SDK1: variants seen among roughly 807,000 people sequenced by gnomAD.
SDK1 encodes the protein sidekick cell adhesion molecule 1.
SDK1 carries 157 observed loss-of-function variants against 245.5 expected under a neutral mutation model. That is an observed-to-expected ratio of 0.64 (90% confidence interval 0.56 to 0.73). SDK1 has a LOEUF of 0.73. Ranked by LOEUF, SDK1 falls within the 30% of genes least tolerant of loss-of-function variation. The pLI, the probability that SDK1 is intolerant of heterozygous loss-of-function variation, is 0.00. For missense variants in SDK1, 3,583 were observed against 3,002.3 expected, an observed-to-expected ratio of 1.19 and a Z score of -4.52; for synonymous variants, 1,647 against 1,278.5, an observed-to-expected ratio of 1.29 and a Z score of -6.15.
At chr7:3,990,975 C>G (rs925590737) in intron 14 of SDK1, among the ~76,000 whole-genome samples, 7 of 152,226 alleles carry the variant, frequency 4.6e-5, no homozygotes, top group Non-Finnish European at 8.8e-5. Context: ...GTGAAGCCAG[C>G]TGGGCATCTG....
intron 14 of SDK1, among the ~76,000 whole-genome samples, chr7:4,003,005 C>T (rs1785189332): frequency 6.6e-6 from 1 of 152,206 alleles, no homozygotes; most frequent in Non-Finnish European, 1.5e-5. Flanking sequence ...ACTGCTCCAC[C>T]CCATGGGCAT....
chr7:3,446,801 G>A (rs898499898), intron 1 of SDK1, among the ~76,000 whole-genome samples: 1 of 152,140 alleles, frequency 6.6e-6, no homozygotes, highest in Non-Finnish European at 1.5e-5. Flanking sequence ...AGCTGCAAGT[G>A]TTTGTGGATT....
intron 5 of SDK1, among the ~76,000 whole-genome samples, chr7:3,822,986 C>A (rs1779683576): frequency 6.6e-6 from 1 of 151,968 alleles, no homozygotes; most frequent in African/African-American, 2.4e-5. Context: ...GTCATCCTGC[C>A]TTGAGCTCCT....
chr7:3,581,525 G>A (rs1429674156), intron 1 of SDK1, among the ~76,000 whole-genome samples: 2 of 152,142 alleles, frequency 1.3e-5, no homozygotes, highest in Non-Finnish European at 2.9e-5. Flanking sequence ...TGGGGAAAGG[G>A]GAGCACTTAC....
intron 4 of SDK1, among the ~76,000 whole-genome samples, chr7:3,708,989 G>C (rs979672080): frequency 1.3e-5 from 2 of 152,114 alleles, no homozygotes; most frequent in Non-Finnish European, 2.9e-5. Flanking sequence ...GTTAATTGTT[G>C]CCTAGATACT....
intron 13 of SDK1, among the ~76,000 whole-genome samples, chr7:3,982,839 C>G (rs1034965915): frequency 6.7e-5 from 8 of 119,884 alleles, no homozygotes; most frequent in African/African-American, 2.5e-4. Context: ...GACAACATCT[C>G]AAAAAAAAAA....
At chr7:3,658,593 C>T (rs1400022049) in intron 4 of SDK1, among the ~76,000 whole-genome samples, 1 of 149,152 alleles carries the variant, frequency 6.7e-6, no homozygotes, top group Non-Finnish European at 1.5e-5. Flanking sequence ...GGTAGTAGAG[C>T]TGTCACTACT....
chr7:4,074,121 T>C (rs1780462093), intron 20 of SDK1, among the ~76,000 whole-genome samples: 2 of 152,116 alleles, frequency 1.3e-5, no homozygotes, highest in African/African-American at 4.8e-5. Flanking sequence ...GTATTTGACT[T>C]ACGACCTAAG....
chr7:3,848,616 G>A lies in SDK1; in HGVS notation c.847+27033G>A, dbSNP rs150697556. 3.1e-4 allele frequency among the ~76,000 whole-genome samples: 47 copies of A among 152,044 alleles called. No individual in the cohort carries two copies. In the East Asian group the frequency reaches 5.0e-3, roughly 16 times the overall value. ...TACACACTTAGCCCCAGGGGAACAGGGAACATAGAAGACCACCACCCAGGC... is the reference window on the plus strand; with the variant it reads ...TACACACTTAGCCCCAGGGGAACAGAGAACATAGAAGACCACCACCCAGGC... On this transcript the variant is annotated intron_variant, in intron 5 of 44. Coordinates refer to ENST00000404826, the MANE Select transcript of SDK1 (RefSeq NM_152744.4).
chr7:3,980,119 T>A (rs1450503654), intron 13 of SDK1, among the ~76,000 whole-genome samples: 2 of 152,236 alleles, frequency 1.3e-5, no homozygotes, highest in Non-Finnish European at 1.5e-5. Context: ...AAGTCATCAT[T>A]TGTGCATTAA....
At chr7:4,173,662 C>T (rs1005517156) in intron 32 of SDK1, among the ~76,000 whole-genome samples, 5 of 152,174 alleles carry the variant, frequency 3.3e-5, no homozygotes, top group South Asian at 2.1e-4. Context: ...ATCACCGGAC[C>T]GCAAGATGAT....
chr7:3,893,910 T>C lies in SDK1; in HGVS notation c.848-57013T>C, dbSNP rs188693626. 6.6e-5 allele frequency among the ~76,000 whole-genome samples: 10 copies of C among 152,280 alleles called. No individual in the cohort carries two copies. The East Asian group carries it at 1.9e-3, about 29-fold the overall frequency. On this transcript the variant is annotated intron_variant, in intron 5 of 44. Transcript: ENST00000404826. ...AACTGATTTTCCAGTATTAAGGATT[T>C]TACAGGTTTACACTGGAATTAGAAG...
chr7:3,620,412 C>T (rs1334533358), intron 2 of SDK1, among the ~76,000 whole-genome samples: 3 of 152,014 alleles, frequency 2.0e-5, no homozygotes, highest in Non-Finnish European at 2.9e-5. Flanking sequence ...AAATGATTCT[C>T]CTGCCTCAGC....
intron 29 of SDK1, among the ~76,000 whole-genome samples, chr7:4,146,898 C>A (rs888723128): frequency 2.0e-5 from 3 of 152,204 alleles, no homozygotes; most frequent in Non-Finnish European, 4.4e-5. Flanking sequence ...CCCAGACACA[C>A]AACTGCAGAG....
At chr7:3,826,517 G>A (rs1779779781) in intron 5 of SDK1, among the ~76,000 whole-genome samples, 1 of 152,178 alleles carries the variant, frequency 6.6e-6, no homozygotes, top group Admixed American at 6.5e-5. Context: ...TGCTGGTGTT[G>A]TGAGTGACTC....
At chr7:3,773,317 T>C (rs2115002337) in intron 4 of SDK1, among the ~76,000 whole-genome samples, 1 of 152,284 alleles carries the variant, frequency 6.6e-6, no homozygotes, top group East Asian at 1.9e-4. Context: ...CTCATTAAAA[T>C]TGCTTTTGAA....
intron 35 of SDK1, among the ~76,000 whole-genome samples, chr7:4,190,018 T>C (rs1483359072): frequency 6.6e-6 from 1 of 152,188 alleles, no homozygotes; most frequent in Non-Finnish European, 1.5e-5. Flanking sequence ...CTTCTAGCTG[T>C]TTCAGCTCCC....
chr7:3,423,813 G>A lies in SDK1; in HGVS notation c.298+121929G>A, dbSNP rs892514697. Among the ~76,000 whole-genome samples, 13 of 151,914 alleles carry A rather than the reference G, an allele frequency of 8.6e-5. 1 individual carries two copies. The highest frequency in any genetic ancestry group is 1.9e-4 in the East Asian group (1 of 5,194). On this transcript the variant is annotated intron_variant, in intron 1 of 44. Transcript: ENST00000404826. ...TTCAACCTTGTAAAATTTTTCTAACGTTGTGTTCTCTGTAAATAACACAGA... is the reference window on the plus strand; with the variant it reads ...TTCAACCTTGTAAAATTTTTCTAACATTGTGTTCTCTGTAAATAACACAGA...
chr7:4,084,722 TTA>T (rs1781320237), intron 22 of SDK1, among the ~76,000 whole-genome samples: 1 of 99,344 alleles, frequency 1.0e-5, no homozygotes, highest in African/African-American at 4.8e-5. Flanking sequence ...TTATGTTATG[TTA>T]TGTTATGTTG....
Sources: gnomAD v4.1 joint callset for allele counts (sites outside exome capture counted in the v4.1 genomes callset) on GRCh38, gnomAD v4.1.1 for gene constraint, MANE v1.5 for transcripts, NCBI Gene and HGNC (gene_info 2026-07-23, HGNC 2026-07-21) for gene names.